ANKLE2: variants seen among roughly 807,000 people sequenced by gnomAD.
The protein encoded by ANKLE2 is ankyrin repeat and LEM domain-containing protein 2.
Under a neutral mutation model 84.2 loss-of-function variants are expected in ANKLE2, and 55 were observed. That is an observed-to-expected ratio of 0.65 (90% CI 0.53 to 0.82). The LOEUF (loss-of-function observed/expected upper bound fraction) is 0.82. ANKLE2 is among the 40% of genes least tolerant of loss of function. The probability of loss-of-function intolerance (pLI) is 0.00; values close to 1 mark genes in which losing one functional copy is unlikely to be tolerated. For missense variants in ANKLE2, 1,238 were observed against 1,201.9 expected (o/e 1.03, Z -0.44); for synonymous variants, 551 against 486.1 (o/e 1.13, Z -1.76).
chr12:132,739,202 T>A (rs1057169333), intron 7 of ANKLE2, among the ~76,000 whole-genome samples: 3 of 152,154 alleles, frequency 2.0e-5, no homozygotes, highest in African/African-American at 7.2e-5. Context: ...CAAACCCCGG[T>A]GACATGCAGG....
intron 3 of ANKLE2, 100 bp from the exon 4 acceptor site, chr12:132,748,431 C>T (rs1222918433): frequency 7.3e-7 from 1 of 1,368,982 alleles, no homozygotes; most frequent in African/African-American, 1.4e-5. Flanking sequence ...TCCACAGAGG[C>T]TTCTGGGCCA....
intron 10 of ANKLE2, among the ~76,000 whole-genome samples, chr12:132,732,417 T>C (rs878998219): frequency 1.2e-5 from 1 of 85,184 alleles, no homozygotes; most frequent in Non-Finnish European, 2.3e-5. Flanking sequence ...CGTGTGAAGC[T>C]CTCTGCGTCC....
Position 132,727,150 on chromosome 12 carries a change from T to C in ANKLE2, c.*92A>G. Reference sequence around the variant, plus strand: ...CTCAAAGTGAGGAGTAATAATTTAATCAGAATATATTCCTTTTTGACAGTT... The same window carrying C: ...CTCAAAGTGAGGAGTAATAATTTAACCAGAATATATTCCTTTTTGACAGTT... On this transcript the variant is annotated 3_prime_UTR_variant, in exon 13 of 13. Coordinates refer to ENST00000357997, the MANE Select transcript of ANKLE2 (RefSeq NM_015114.3). The C allele has an allele frequency of 7.7e-7, 1 of 1,292,284 alleles. No homozygotes were observed. Among genetic ancestry groups the C allele is most frequent in the East Asian group, 2.6e-5 (1 of 39,136 alleles). 80.1% of individuals were successfully genotyped at this position (1,292,284 alleles called of 1,614,324 possible).
At position 132,743,829 on chromosome 12, in the gene ANKLE2, G is replaced by A. The variant is rs1445982182; in HGVS notation, c.1231-553C>T. Among the ~76,000 whole-genome samples the A allele has an allele frequency of 6.6e-6, 1 of 152,136 alleles. No homozygotes were observed. The highest frequency in any genetic ancestry group is 1.5e-5 in the Non-Finnish European group (1 of 68,040). On this transcript the variant is annotated intron_variant, in intron 5 of 12. Coordinates refer to ENST00000357997, the MANE Select transcript of ANKLE2 (RefSeq NM_015114.3). The surrounding 1 kb of genome is among the most constrained non-coding windows in gnomAD (Gnocchi z 4.1). Reference sequence around the variant, plus strand: ...TTAAATTCTCCATAAACAGTGAACAGCAGCTTTAACCATTCAGGGCCCAGT... The same window carrying A: ...TTAAATTCTCCATAAACAGTGAACAACAGCTTTAACCATTCAGGGCCCAGT...
chr12:132,761,516 G>T, intron 1 of ANKLE2, 102 bp downstream of exon 1: 1 of 1,025,580 alleles, frequency 9.8e-7, no homozygotes, highest in Non-Finnish European at 1.2e-6. Context: ...TCGCCCAACT[G>T]CTGCCGGCTC....
rs776990489 is a variant in ANKLE2 at position 132,736,979 on chromosome 12, C to A, written c.1507G>T (p.Ala503Ser). ...CCTCCATAGCGGCTGACGTGAGAGG[C>A]CTCAGCCGTCTGGTCTGGGGACCAC... ...ELWSPDQTAE[A>S]SHVSRYGGSP... Residue 503 changes from alanine to serine, a missense_variant, in exon 8 of 13, where the codon GCC (alanine) becomes TCC (serine). By Grantham distance (99) the Ala-to-Ser change is moderately conservative. This residue lies in a region of ANKLE2 where 802 missense variants were observed against 774.5 expected (regional missense o/e 1.04). Transcript: ENST00000357997. 3.1e-6 allele frequency: 5 copies of A among 1,613,872 alleles called. No individual in the cohort carries two copies. Among genetic ancestry groups the A allele is most frequent in the Admixed American group, 1.7e-5 (1 of 60,018 alleles).
chr12:132,741,577 A>T, intron 6 of ANKLE2, 92 bp from the exon 7 acceptor site: 2 of 1,200,656 alleles, frequency 1.7e-6, no homozygotes, highest in Non-Finnish European at 2.4e-6. Context: ...TAAACTCAGT[A>T]AAGTAGAATA....
At chr12:132,733,237 A>C (rs1440676264) in intron 10 of ANKLE2, among the ~76,000 whole-genome samples, 4 of 136,468 alleles carry the variant, frequency 2.9e-5, no homozygotes, top group South Asian at 2.4e-4. Context: ...TCTGATATGC[A>C]CCGTGTGAAG....
At chr12:132,740,415 T>C (rs1401600913) in intron 7 of ANKLE2, among the ~76,000 whole-genome samples, 2 of 152,214 alleles carry the variant, frequency 1.3e-5, no homozygotes, top group Non-Finnish European at 2.9e-5. Context: ...CACTGTGTGC[T>C]GGGAAAGAAC....
At chr12:132,741,631 C>T (rs945348179) in intron 6 of ANKLE2, 146 bp from the exon 7 acceptor site, 49 of 791,720 alleles carry the variant, frequency 6.2e-5, no homozygotes, top group Admixed American at 4.7e-4. Context: ...ACTCAGAAAA[C>T]GTGTGAAGAG....
chr12:132,730,508 A>C, intron 10 of ANKLE2: 1 of 510,252 alleles, frequency 2.0e-6, no homozygotes, highest in Non-Finnish European at 3.5e-6. Flanking sequence ...GAAAAGGGCA[A>C]ACAGGACCCT....
At chr12:132,732,385 C>A (rs1356272768) in intron 10 of ANKLE2, among the ~76,000 whole-genome samples, 1 of 128,688 alleles carries the variant, frequency 7.8e-6, no homozygotes, top group Non-Finnish European at 1.6e-5. Flanking sequence ...AAGCGCTCTG[C>A]GTGCTGGTGT....
chr12:132,728,313 T>A, intron 11 of ANKLE2, 150 bp from the exon 12 acceptor site: 1 of 918,986 alleles, frequency 1.1e-6, no homozygotes, highest in African/African-American at 1.7e-5. Flanking sequence ...CATCGCAAGC[T>A]CCGCCTCCCG....
At position 132,741,411 on chromosome 12, in the gene ANKLE2, C is replaced by T. The variant is rs202217756; in HGVS notation, c.1420+8G>A. Reference sequence around the variant, plus strand: ...CCCCACGATCCAGGCACCAACTCCCCATCTTACCCTTTAAATACTCTCTGA... The same window carrying T: ...CCCCACGATCCAGGCACCAACTCCCTATCTTACCCTTTAAATACTCTCTGA... On this transcript the variant is annotated splice_region_variant and intron_variant, in intron 7 of 12. Coordinates refer to ENST00000357997, the MANE Select transcript of ANKLE2 (RefSeq NM_015114.3). The T allele has an allele frequency of 5.6e-4, 900 of 1,613,832 alleles. 3 individuals carry two copies. The highest frequency in any genetic ancestry group is 5.9e-4 in the Non-Finnish European group (701 of 1,179,968).
rs765514931 is a variant in ANKLE2, at chr12:132,734,428, T to A, written c.1848A>T (p.Thr616=). ...CTCGGCAGGAGGCTTCCCGTTCTCC[T>A]GTTTCTTGTTGAGCCTTTTTGCCTA... ...QEIGKKAQQE[T]GEREASCRDK... is the part of the protein sequence containing the mutation. The change falls in exon 10 of 13, where the codon ACA becomes ACT. Residue 616 remains threonine, a synonymous_variant. Coordinates refer to ENST00000357997, the MANE Select transcript of ANKLE2 (RefSeq NM_015114.3). The A allele has an allele frequency of 8.7e-6, 14 of 1,614,208 alleles. No individual in the cohort carries two copies. The South Asian group carries it at 1.5e-4, about 18-fold the overall frequency.
At chr12:132,735,377 C>A in intron 9 of ANKLE2, 29 bp downstream of exon 9, 1 of 1,590,384 alleles carries the variant, frequency 6.3e-7, no homozygotes. Flanking sequence ...CTGTGTGCCC[C>A]ACGCTGCTGC....
In ANKLE2 at chr12:132,743,344, T is replaced by C. The variant is rs73157023; in HGVS notation, c.1231-68A>G. 13,422 of 1,487,040 alleles carry C rather than the reference T, an allele frequency of 9.0e-3. 942 individuals carry two copies. In the African/African-American group the frequency reaches 0.16, roughly 18 times the overall value. The allele number at this position is 1,487,040 out of a possible 1,614,324, so 92.1% of individuals were successfully genotyped here. A position where few individuals can be genotyped will look rare whatever the true frequency, so the allele number is the denominator to read the frequency against. On this transcript the variant is annotated intron_variant, in intron 5 of 12. Transcript: ENST00000357997. This position sits in a 1 kb window ranked among gnomAD's most constrained non-coding sequence, Gnocchi z 4.1. ...TCATGAGGTTGCTCTAAGGTGAAAA[T>C]ACATATTCATTCATTCATTCATTCA...
chr12:132,735,531 G>A lies in ANKLE2; in HGVS notation c.1594-19C>T, dbSNP rs755035831. ...CTTCTGCCTATGAAGAAAAAAAAAT[G>A]TATTGAGCCGTGTCAGGCACTGCGC... On this transcript the variant is annotated intron_variant, in intron 8 of 12. Coordinates refer to ENST00000357997, the MANE Select transcript of ANKLE2 (RefSeq NM_015114.3). The A allele has an allele frequency of 6.3e-6, 10 of 1,596,208 alleles. No homozygotes were observed. Among genetic ancestry groups the A allele is most frequent in the African/African-American group, 5.4e-5 (4 of 74,430 alleles).
chr12:132,755,434 A>AATT, intron 1 of ANKLE2: 1 of 234,794 alleles, frequency 4.3e-6, no homozygotes, highest in Non-Finnish European at 8.3e-6. Flanking sequence ...AATCCCAGCT[A>AATT]CTTGGGAGGC....
Sources: gnomAD v4.1 joint callset for allele counts (sites outside exome capture counted in the v4.1 genomes callset) on GRCh38, gnomAD v4.1.1 for gene constraint, gnomAD v4.1.1 regional missense constraint, Gnocchi (gnomAD v3.1) non-coding constraint, MANE v1.5 for transcripts, NCBI Gene and HGNC (gene_info 2026-07-23, HGNC 2026-07-21) for gene names.